The following AVEN variants were observed in gnomAD, a reference collection of about 807,000 sequenced individuals.
AVEN encodes apoptosis and caspase activation inhibitor, also known as cell death regulator Aven.
Under a neutral mutation model 38.1 loss-of-function variants are expected in AVEN, and 41 were observed. The observed-to-expected ratio is 1.08, with a 90% confidence interval of 0.84 to 1.40. The LOEUF (loss-of-function observed/expected upper bound fraction) is 1.40, where lower values mean the gene tolerates loss of function less well. AVEN is among the 40% of genes most tolerant of loss of function. AVEN has a pLI of 0.00. For missense variants in AVEN, 605 were observed against 438.8 expected (o/e 1.38, Z -3.38); for synonymous variants, 206 against 171.8 (o/e 1.20, Z -1.56).
chr15:33,993,408 C>T (rs1054384718), intron 2 of AVEN, among the ~76,000 whole-genome samples: 39 of 152,098 alleles, frequency 2.6e-4, no homozygotes, highest in African/African-American at 9.2e-4. Flanking sequence ...CCCATATCCA[C>T]CACTAATAAA....
rs1161658668 is a variant in AVEN, at chr15:34,039,023, C to T, written c.24G>A (p.Arg8=). 1.8e-6 allele frequency: 2 copies of T among 1,123,066 alleles called. No individual in the cohort carries two copies. Among genetic ancestry groups the T allele is most frequent in the Non-Finnish European group, 2.2e-6 (2 of 920,134 alleles). The allele number at this position is 1,123,066 out of a possible 1,614,324, so 69.6% of individuals were successfully genotyped here. A position where few individuals can be genotyped will look rare whatever the true frequency, so the allele number is the denominator to read the frequency against. MQAERGA[R]GGRGRRPGRG... ...GGCCTGGCCGCCGCCCACGGCCTCC[C>T]CGAGCTCCTCGCTCCGCCTGCATCT... Residue 8 remains arginine, a synonymous_variant, in exon 1 of 6, where the codon CGG becomes CGA. Transcript: ENST00000306730.
chr15:33,993,825 T>C (rs1226224657), intron 2 of AVEN, among the ~76,000 whole-genome samples: 4 of 51,678 alleles, frequency 7.7e-5, no homozygotes, highest in African/African-American at 3.0e-4. Context: ...TAAATATACA[T>C]CCTTAAAAAA....
chr15:33,915,429 GAGA>G (rs1208115412), intron 2 of AVEN, among the ~76,000 whole-genome samples: 2 of 152,302 alleles, frequency 1.3e-5, no homozygotes, highest in African/African-American at 2.4e-5. Flanking sequence ...CAGATCACAA[GAGA>G]AGAATATGAC....
At chr15:33,857,877 A>G (rs1438544317), downstream of AVEN, 2 of 1,614,198 alleles carry the variant, frequency 1.2e-6, no homozygotes, top group Non-Finnish European at 1.7e-6. Context: ...AGCGAAGACG[A>G]TGACGAGCCC....
At chr15:33,938,535 G>A (rs1430025071) in intron 2 of AVEN, among the ~76,000 whole-genome samples, 3 of 152,066 alleles carry the variant, frequency 2.0e-5, no homozygotes, top group Admixed American at 6.6e-5. Flanking sequence ...GTAAAAAACA[G>A]GCCATTGACT....
intron 1 of AVEN, among the ~76,000 whole-genome samples, chr15:34,020,222 A>T (rs556733519): frequency 6.6e-6 from 1 of 152,082 alleles, no homozygotes; most frequent in African/African-American, 2.4e-5. Context: ...GAGGCAGGAG[A>T]ATGGCGTGAA....
chr15:33,857,882 G>A (rs182257230), downstream of AVEN: 14,549 of 1,614,098 alleles, frequency 9.0e-3, 79 homozygotes, highest in Non-Finnish European at 0.01. Flanking sequence ...AGACGATGAC[G>A]AGCCCGATAT....
chr15:33,855,867 C>G (rs1391831408), downstream of AVEN: 1 of 152,178 alleles, frequency 6.6e-6, no homozygotes, highest in Non-Finnish European at 1.5e-5. Context: ...CTTCTAATGG[C>G]TTCTCCTTGT....
chr15:33,990,515 A>G (rs549403473), intron 2 of AVEN, among the ~76,000 whole-genome samples: 1 of 152,376 alleles, frequency 6.6e-6, no homozygotes, highest in East Asian at 1.9e-4. Flanking sequence ...TAAACTCAGA[A>G]AAGATTCACT....
At chr15:33,853,747 G>A in the AVEN span, 1 of 1,558,028 alleles carries the variant, frequency 6.4e-7, no homozygotes, top group African/African-American at 1.4e-5. Context: ...CTTTTCCATA[G>A]GAAAAAATCA....
At chr15:33,935,645 A>G (rs560443560) in intron 2 of AVEN, among the ~76,000 whole-genome samples, 2 of 152,242 alleles carry the variant, frequency 1.3e-5, no homozygotes, top group African/African-American at 2.4e-5. Flanking sequence ...TGCTGACTAC[A>G]TGGAAAGTGC....
chr15:33,937,218 GGCAACTGTTA>G (rs1411308038), intron 2 of AVEN, among the ~76,000 whole-genome samples: 2 of 150,914 alleles, frequency 1.3e-5, no homozygotes, highest in Non-Finnish European at 3.0e-5. Flanking sequence ...TAGATGCTGG[GGCAACTGTTA>G]GCAACATTTT....
chr15:33,938,438 G>A (rs1894182168), intron 2 of AVEN, among the ~76,000 whole-genome samples: 1 of 151,890 alleles, frequency 6.6e-6, no homozygotes, highest in South Asian at 2.1e-4. Context: ...CTGGGTGACA[G>A]AGCAAGACTC....
intron 2 of AVEN, among the ~76,000 whole-genome samples, chr15:33,994,236 G>A (rs1486366740): frequency 6.6e-6 from 1 of 152,312 alleles, no homozygotes; most frequent in South Asian, 2.1e-4. Flanking sequence ...AGCAGCATTC[G>A]ATTCTCATAG....
chr15:34,015,494 A>T (rs937878266), intron 1 of AVEN, among the ~76,000 whole-genome samples: 3 of 152,136 alleles, frequency 2.0e-5, no homozygotes, highest in South Asian at 2.1e-4. Context: ...AAAATAAAAA[A>T]AAATAAAAAA....
intron 5 of AVEN, among the ~76,000 whole-genome samples, chr15:34,054,722 G>T (rs1340014487): frequency 6.6e-6 from 1 of 152,092 alleles, no homozygotes; most frequent in African/African-American, 2.4e-5. Context: ...AAGAAGAATA[G>T]GTAATAGATG....
intron 2 of AVEN, among the ~76,000 whole-genome samples, chr15:33,984,586 G>C (rs1200262638): frequency 6.6e-6 from 1 of 152,076 alleles, no homozygotes; most frequent in Non-Finnish European, 1.5e-5. Context: ...ATTTTCAGTA[G>C]AGACAGGGTT....
downstream of AVEN, chr15:33,865,919 T>TGTCA (rs1890370621): frequency 6.5e-6 from 1 of 152,720 alleles, no homozygotes. Context: ...TAGTAACAGC[T>TGTCA]GTCAGTCAAC....
At chr15:34,040,391 C>T (rs1899418999), upstream of AVEN, among the ~76,000 whole-genome samples, 1 of 152,076 alleles carries the variant, frequency 6.6e-6, no homozygotes, top group South Asian at 2.1e-4. Context: ...TAGGAGTTTG[C>T]CTGGTTGGTA....
Sources: gnomAD v4.1 joint callset for allele counts (sites outside exome capture counted in the v4.1 genomes callset) on GRCh38, gnomAD v4.1.1 for gene constraint, MANE v1.5 for transcripts, NCBI Gene and HGNC (gene_info 2026-07-23, HGNC 2026-07-21) for gene names.